The following SNED1 variants were observed in gnomAD, a reference collection of about 807,000 sequenced individuals.
SNED1 encodes the protein sushi, nidogen and EGF-like domain-containing protein 1.
Under a neutral mutation model 166.7 loss-of-function variants are expected in SNED1, and 81 were observed. The observed-to-expected ratio is 0.49, with a 90% CI of 0.41 to 0.58. SNED1 has a LOEUF of 0.58. Among genes scored for constraint, SNED1 ranks in the 20% least tolerant of loss-of-function variants. The pLI, the probability that SNED1 is intolerant of heterozygous loss-of-function variation, is 0.00. For synonymous variants in SNED1, 762 were observed against 822.0 expected, an observed-to-expected ratio of 0.93 and a Z score of 1.25; for missense variants, 1,604 against 2,000.2, an observed-to-expected ratio of 0.80 and a Z score of 3.78.
At chr2:241,034,254 C>T (rs1279411465) in intron 3 of SNED1, among the ~76,000 whole-genome samples, 1 of 152,258 alleles carries the variant, frequency 6.6e-6, no homozygotes, top group Non-Finnish European at 1.5e-5. Context: ...GCCACAGGGT[C>T]AGTGCTCCCC....
chr2:241,022,284 T>C (rs1574898992), intron 1 of SNED1, among the ~76,000 whole-genome samples: 1 of 152,220 alleles, frequency 6.6e-6, no homozygotes, highest in East Asian at 1.9e-4. Context: ...TGGTGTCATA[T>C]CCAAGAAACC....
rs992897904 is a variant in SNED1 at position 241,051,268 on chromosome 2, G to A, written c.1736-476G>A. ...ACAGGCCCGGCCGTCTGAGCTCCTC[G>A]GGTTCCAGGAACTGTTAGGACCCAG... On this transcript the variant is annotated intron_variant, in intron 12 of 31. Transcript: ENST00000310397. The surrounding 1 kb of genome is among the most constrained non-coding windows in gnomAD (Gnocchi z 4.7). The A allele has an allele frequency of 2.6e-5, 4 of 154,582 alleles. No individual in the cohort carries two copies. The highest frequency in any genetic ancestry group is 4.3e-5 in the Non-Finnish European group (3 of 69,828). 9.6% of individuals were successfully genotyped at this position (154,582 alleles called of 1,614,324 possible).
intron 1 of SNED1, among the ~76,000 whole-genome samples, chr2:241,011,984 G>A (rs2060421495): frequency 1.3e-5 from 2 of 152,222 alleles, no homozygotes; most frequent in Admixed American, 1.3e-4. Flanking sequence ...GGGGAGAGAG[G>A]AAAGCTGGAG....
chr2:241,048,313 A>C lies in SNED1; in HGVS notation c.1274-2A>C, dbSNP rs2061722593. ...CGCTGGTGACTGCCGTCTTTCTTGC[A>C]GGAGACCATCCAGTGCCAGACGCCT... On this transcript the variant is annotated splice_acceptor_variant, in intron 8 of 31. Coordinates refer to ENST00000310397, the MANE Select transcript of SNED1 (RefSeq NM_001080437.3). LOFTEE classifies it high-confidence loss of function. The C allele has an allele frequency of 6.3e-7, 1 of 1,595,762 alleles. No homozygotes were observed. The highest frequency in any genetic ancestry group is 1.3e-5 in the African/African-American group (1 of 74,182).
In SNED1 at chr2:241,011,235, TGCAGGTCTCCTGGGTCTCCTGGGGGTG is replaced by T. The variant is rs1157542129; in HGVS notation, c.213+12209_213+12235del. Among the ~76,000 whole-genome samples, 225 of 56,004 alleles carry T rather than the reference TGCAGGTCTCCTGGGTCTCCTGGGGGTG, an allele frequency of 4.0e-3. 1 individual carries two copies. The highest frequency in any genetic ancestry group is 4.1e-3 in the Non-Finnish European group (141 of 34,464). The allele number at this position is 56,004 out of a possible 152,430, so 36.7% of individuals were successfully genotyped here. A position where few individuals can be genotyped will look rare whatever the true frequency, so the allele number is the denominator to read the frequency against. ...TGGGTCTCCTGGGTCTCCTGGGGGT[TGCAGGTCTCCTGGGTCTCCTGGGGGTG>T]GCAGGTCTCCTGGGTCTCCTGGGTT... is the stretch of plus-strand genomic sequence containing the variant. On this transcript the variant is annotated intron_variant, in intron 1 of 31. Coordinates refer to ENST00000310397, the MANE Select transcript of SNED1 (RefSeq NM_001080437.3).
intron 30 of SNED1, chr2:241,088,161 C>G (rs1031710363): frequency 1.8e-6 from 1 of 570,040 alleles, no homozygotes; most frequent in African/African-American, 1.9e-5. Flanking sequence ...CTTGTCATTC[C>G]TAAACTACTG....
intron 1 of SNED1, among the ~76,000 whole-genome samples, chr2:241,008,005 A>G (rs1477172007): frequency 6.6e-6 from 1 of 152,232 alleles, no homozygotes; most frequent in Non-Finnish European, 1.5e-5. Context: ...TCTGTCTGCC[A>G]CTGCCCAGAA....
chr2:241,017,078 C>T (rs1228319038), intron 1 of SNED1, among the ~76,000 whole-genome samples: 5 of 151,654 alleles, frequency 3.3e-5, no homozygotes, highest in East Asian at 1.9e-4. Context: ...CTCGAACTCC[C>T]GACCTCAGGT....
At chr2:241,081,920 G>A (rs557160404) in intron 28 of SNED1, 127 bp downstream of exon 28, 3 of 731,200 alleles carry the variant, frequency 4.1e-6, no homozygotes, top group African/African-American at 1.7e-5. Context: ...AGGGAGTCTG[G>A]TGCACGGGGC....
Position 241,073,538 on chromosome 2 carries a change from A to ACCC in SNED1, c.3916+175_3916+177dup. ...TGGGAAGATGGGGTGAAGCTACACC[A>ACCC]CCCAAGCAGTGGGACCCCACAGACG... On this transcript the variant is annotated intron_variant, in intron 27 of 31. Transcript: ENST00000310397. This position sits in a 1 kb window ranked among gnomAD's most constrained non-coding sequence, Gnocchi z 6.6. 1 of 653,640 alleles carries ACCC rather than the reference A, an allele frequency of 1.5e-6. No homozygotes were observed. Among genetic ancestry groups the ACCC allele is most frequent in the Non-Finnish European group, 2.8e-6 (1 of 356,764 alleles). 40.5% of individuals were successfully genotyped at this position (653,640 alleles called of 1,614,324 possible). A position where few individuals can be genotyped will look rare whatever the true frequency, so the allele number is the denominator to read the frequency against.
chr2:241,012,017 C>G (rs1252919979), intron 1 of SNED1, among the ~76,000 whole-genome samples: 1 of 152,296 alleles, frequency 6.6e-6, no homozygotes, highest in African/African-American at 2.4e-5. Flanking sequence ...CGGGTGGGCC[C>G]GAGGCCTCTG....
intron 1 of SNED1, among the ~76,000 whole-genome samples, chr2:241,003,696 C>T (rs1574833247): frequency 6.6e-6 from 1 of 152,174 alleles, no homozygotes; most frequent in Non-Finnish European, 1.5e-5. Context: ...CATGCTGGGC[C>T]CCATAAGGAA....
At chr2:241,014,699 C>T (rs982645122) in intron 1 of SNED1, among the ~76,000 whole-genome samples, 7 of 152,144 alleles carry the variant, frequency 4.6e-5, no homozygotes, top group African/African-American at 1.7e-4. Context: ...TCGTTTCATC[C>T]TCTTTAATGG....
At chr2:241,081,834 G>A (rs2063343334) in intron 28 of SNED1, 41 bp downstream of exon 28, 2 of 1,434,156 alleles carry the variant, frequency 1.4e-6, no homozygotes, top group Non-Finnish European at 1.9e-6. Flanking sequence ...TTCCAACACA[G>A]CCTGTGCCTC....
rs967213929 is a variant in SNED1 at position 241,060,069 on chromosome 2, T to C, written c.2258-2722T>C. Among the ~76,000 whole-genome samples, 10 of 152,240 alleles carry C rather than the reference T, an allele frequency of 6.6e-5. No individual in the cohort carries two copies. The East Asian group carries it at 1.7e-3, about 26-fold the overall frequency. On this transcript the variant is annotated intron_variant, in intron 16 of 31. Transcript: ENST00000310397. ...GGATACAGGGTCAGTATATAGAACC[T>C]GTTGTAGCAGTGAACACTTTGAAAT...
chr2:241,026,108 C>T (rs542193940), intron 1 of SNED1, among the ~76,000 whole-genome samples: 20 of 148,646 alleles, frequency 1.3e-4, no homozygotes, highest in Non-Finnish European at 2.4e-4. Context: ...CTCCGCCTCC[C>T]GGGTTCAAGC....
At chr2:241,061,497 T>C (rs1469553522) in intron 16 of SNED1, among the ~76,000 whole-genome samples, 1 of 152,226 alleles carries the variant, frequency 6.6e-6, no homozygotes, top group Non-Finnish European at 1.5e-5. Context: ...ACGTCAACTG[T>C]GTTCCAGCAA....
At chr2:241,052,582 C>G (rs1288570154) in intron 15 of SNED1, 114 bp downstream of exon 15, 2 of 788,906 alleles carry the variant, frequency 2.5e-6, no homozygotes, top group Non-Finnish European at 2.1e-6. Flanking sequence ...GGTGAGAGGG[C>G]CAGGGGGCCA....
At chr2:241,040,477 A>G (rs1462850236) in intron 8 of SNED1, 64 bp downstream of exon 8, 51 of 1,006,512 alleles carry the variant, frequency 5.1e-5, no homozygotes, top group Non-Finnish European at 7.0e-5. Context: ...GAACACCCCC[A>G]TAGCCACTTT....
Sources: allele counts gnomAD v4.1 joint callset (sites outside exome capture counted in the v4.1 genomes callset), GRCh38; gene constraint gnomAD v4.1.1; non-coding constraint Gnocchi (gnomAD v3.1); transcripts MANE v1.5; gene names NCBI Gene and HGNC (gene_info 2026-07-23, HGNC 2026-07-21).